The following JPH3 variants were observed in gnomAD, a reference collection of about 807,000 sequenced individuals.
JPH3 encodes junctophilin 3, also known as junctophilin-3.
In JPH3, 11 loss-of-function variants were observed where a neutral mutation model predicts 59.6. That is an observed-to-expected ratio of 0.18 (90% CI 0.12 to 0.31). The LOEUF is 0.31. Among genes scored for constraint, JPH3 ranks in the 10% least tolerant of loss-of-function variants. JPH3 has a pLI of 1.00. For missense variants in JPH3, 1,202 were observed against 1,105.7 expected (o/e 1.09, Z -1.24); for synonymous variants, 673 against 483.6 (o/e 1.39, Z -5.14).
At chr16:87,692,893 C>T (rs527522974) in intron 4 of JPH3, among the ~76,000 whole-genome samples, 1 of 152,336 alleles carries the variant, frequency 6.6e-6, no homozygotes, top group East Asian at 1.9e-4. Flanking sequence ...AGAAGAGGTG[C>T]CACTGACCAC....
chr16:87,661,297 TAACTC>T (rs982317873), intron 2 of JPH3, among the ~76,000 whole-genome samples: 3 of 152,232 alleles, frequency 2.0e-5, no homozygotes, highest in African/African-American at 7.2e-5. Context: ...TCCTGATCCT[TAACTC>T]AGTCATATCT....
intron 2 of JPH3, among the ~76,000 whole-genome samples, chr16:87,648,063 C>T (rs554603023): frequency 1.1e-4 from 16 of 152,270 alleles, no homozygotes; most frequent in African/African-American, 2.9e-4. Context: ...TTGGTGTCAT[C>T]CTCCCCCAGC....
At chr16:87,628,896 A>G (rs1170706421) in intron 1 of JPH3, among the ~76,000 whole-genome samples, 1 of 152,116 alleles carries the variant, frequency 6.6e-6, no homozygotes, top group East Asian at 1.9e-4. Context: ...CCCAGTGGAC[A>G]GAGTGTCAGG....
At chr16:87,603,849 C>T (rs2030369397) in intron 1 of JPH3, among the ~76,000 whole-genome samples, 1 of 152,232 alleles carries the variant, frequency 6.6e-6, no homozygotes, top group Non-Finnish European at 1.5e-5. Context: ...GCCCGCGGCC[C>T]TGGGGAACCC....
intron 2 of JPH3, among the ~76,000 whole-genome samples, chr16:87,658,400 C>T (rs1337912113): frequency 1.4e-5 from 2 of 144,846 alleles, no homozygotes; most frequent in South Asian, 2.2e-4. Flanking sequence ...CTTTTCCTCC[C>T]TCTCTGTCCC....
chr16:87,625,770 C>T (rs556444058), intron 1 of JPH3, among the ~76,000 whole-genome samples: 13 of 152,262 alleles, frequency 8.5e-5, no homozygotes, highest in East Asian at 7.7e-4. Context: ...AAAGGAGACC[C>T]GGGGTTTACT....
chr16:87,674,524 C>T (rs2033097955), intron 2 of JPH3, among the ~76,000 whole-genome samples: 1 of 152,134 alleles, frequency 6.6e-6, no homozygotes. Context: ...AGAGTAAAAG[C>T]AGAAACAAGT....
intron 1 of JPH3, among the ~76,000 whole-genome samples, chr16:87,619,087 CAAAAA>C (rs59368116): frequency 7.1e-6 from 1 of 140,520 alleles, no homozygotes. Context: ...GACTCTGTCT[CAAAAA>C]AAAAAAAAAG....
chr16:87,638,147 T>C (rs1446637305), intron 1 of JPH3, among the ~76,000 whole-genome samples: 2 of 152,188 alleles, frequency 1.3e-5, no homozygotes, highest in Non-Finnish European at 2.9e-5. Flanking sequence ...CTCGAACTCC[T>C]GACCTCAGGT....
rs1385580941 is a variant in JPH3 at position 87,644,838 on chromosome 16, T to G, written c.963T>G (p.His321Gln). The part of the protein sequence containing the change: ...YEGEWASNRR[H>Q]GYGCMTFPDG... ...GCGAGTGGGCCAGCAACCGGCGCCA[T>G]GGCTACGGCTGCATGACCTTCCCGG... is the stretch of plus-strand genomic sequence containing the variant. Residue 321 changes from histidine to glutamine, a missense_variant, in exon 2 of 5, where the codon CAT becomes CAG. Transcript: ENST00000284262. The G allele has an allele frequency of 9.3e-6, 15 of 1,613,038 alleles. No individual in the cohort carries two copies. The highest frequency in any genetic ancestry group is 8.5e-6 in the Non-Finnish European group (10 of 1,179,870).
intron 1 of JPH3, among the ~76,000 whole-genome samples, chr16:87,605,411 C>T (rs990280995): frequency 2.0e-5 from 3 of 152,186 alleles, no homozygotes; most frequent in Admixed American, 1.3e-4. Flanking sequence ...GCAAAGCAGA[C>T]AGCCAGGTGT....
At chr16:87,659,374 C>CAAAAAAAAAAAAAAAAAAAAAAAAAAAAA (rs1354448370) in intron 2 of JPH3, among the ~76,000 whole-genome samples, 4 of 74,546 alleles carry the variant, frequency 5.4e-5, no homozygotes, top group East Asian at 3.6e-4. Flanking sequence ...AAGACTGTCT[C>CAAAAAAAAAAAAAAAAAAAAAAAAAAAAA]AAAAAAAAAA....
At chr16:87,624,140 C>A (rs930289700) in intron 1 of JPH3, among the ~76,000 whole-genome samples, 7 of 152,228 alleles carry the variant, frequency 4.6e-5, no homozygotes, top group African/African-American at 1.7e-4. Flanking sequence ...GTAAGTCTGG[C>A]TTTTAAAAAA....
At position 87,690,100 on chromosome 16, in the gene JPH3, C is replaced by A; in HGVS notation, c.1740C>A (p.Pro580=). 2 of 1,574,602 alleles carry A rather than the reference C, an allele frequency of 1.3e-6. No individual in the cohort carries two copies. The highest frequency in any genetic ancestry group is 1.7e-6 in the Non-Finnish European group (2 of 1,160,570). The change falls in exon 4 of 5, where the codon CCC becomes CCA. Residue 580 remains proline, a synonymous_variant. Coordinates refer to ENST00000284262, the MANE Select transcript of JPH3 (RefSeq NM_020655.4). ...KPRERRTESP[P]VFTWTSHHRA... is the part of the protein sequence containing the mutation. ...GGGAGCGGCGGACGGAGTCACCCCC[C>A]GTGTTCACGTGGACTTCCCACCACC... is the stretch of plus-strand genomic sequence containing the variant.
At chr16:87,632,106 T>G (rs932409798) in intron 1 of JPH3, among the ~76,000 whole-genome samples, 12 of 152,148 alleles carry the variant, frequency 7.9e-5, no homozygotes, top group African/African-American at 2.7e-4. Context: ...GAGTGGAAAC[T>G]TGTGTGTGTG....
At position 87,644,645 on chromosome 16, in the gene JPH3, C is replaced by T. The variant is rs747404678; in HGVS notation, c.770C>T (p.Ala257Val). The T allele has an allele frequency of 6.2e-7, 1 of 1,611,814 alleles. No individual in the cohort carries two copies. The highest frequency in any genetic ancestry group is 8.5e-7 in the Non-Finnish European group (1 of 1,179,892). ...GGCATGAGCACCGTCAGCTCCACGGCCAGCGACATCCACTCCACCATCAGC... is the reference window on the plus strand; with the variant it reads ...GGCATGAGCACCGTCAGCTCCACGGTCAGCGACATCCACTCCACCATCAGC... ...EAGMSTVSST[A>V]SDIHSTISLG... The change falls in exon 2 of 5, where the codon GCC becomes GTC. Residue 257 changes from alanine (A) to valine (V), a missense_variant. Coordinates refer to ENST00000284262, the MANE Select transcript of JPH3 (RefSeq NM_020655.4).
At position 87,683,309 on chromosome 16, in the gene JPH3, CT is replaced by C. The variant is rs571124026; in HGVS notation, c.1161-820del. 3.5e-3 allele frequency among the ~76,000 whole-genome samples: 512 copies of C among 145,522 alleles called. 1 individual carries two copies. The highest frequency in any genetic ancestry group is 0.01 in the South Asian group (47 of 4,634). ...TTGATAATAAGAACAGAAACATTTT[CT>C]TTTTTTTTTTTTGAGATGGAGTCTT... On this transcript the variant is annotated intron_variant, in intron 2 of 4. Transcript: ENST00000284262.
At chr16:87,692,614 G>A (rs1383709262) in intron 4 of JPH3, among the ~76,000 whole-genome samples, 2 of 136,878 alleles carry the variant, frequency 1.5e-5, no homozygotes, top group Non-Finnish European at 3.2e-5. Flanking sequence ...GCCACAGATG[G>A]GCCTGGGATT....
chr16:87,683,839 C>G (rs559111156), intron 2 of JPH3: 1 of 325,544 alleles, frequency 3.1e-6, no homozygotes, highest in African/African-American at 2.1e-5. Flanking sequence ...CGCCTGAGCT[C>G]AAGCGATCTT....
Sources: gnomAD v4.1 joint callset for allele counts (sites outside exome capture counted in the v4.1 genomes callset) on GRCh38, gnomAD v4.1.1 for gene constraint, MANE v1.5 for transcripts, NCBI Gene and HGNC (gene_info 2026-07-23, HGNC 2026-07-21) for gene names.